Variants in ROBO1 observed in about 807,000 individuals in gnomAD.
ROBO1 encodes roundabout homolog 1.
In ROBO1, 149 loss-of-function variants were observed where a neutral mutation model predicts 195.9. The ratio of observed to expected loss-of-function variants is 0.76; its 90% CI spans 0.67 to 0.87. The LOEUF (loss-of-function observed/expected upper bound fraction) is 0.87. Among genes scored for constraint, ROBO1 ranks in the 40% least tolerant of loss-of-function variants. The pLI is 0.00. For missense variants in ROBO1, 1,933 were observed against 2,068.3 expected, an observed-to-expected ratio of 0.93 and a Z score of 1.27; for synonymous variants, 816 against 733.2, an observed-to-expected ratio of 1.11 and a Z score of -1.82.
At chr3:78,759,223 C>T (rs1448713337) in intron 4 of ROBO1, 1 of 152,584 alleles carries the variant, frequency 6.6e-6, no homozygotes, top group East Asian at 1.9e-4. Flanking sequence ...CTGATGACAA[C>T]ATGATACTAG....
intron 8 of ROBO1, among the ~76,000 whole-genome samples, chr3:78,703,714 A>G (rs1266635899): frequency 6.6e-6 from 1 of 152,040 alleles, no homozygotes; most frequent in Non-Finnish European, 1.5e-5. Flanking sequence ...GTATCCATAC[A>G]TACAAGCAGT....
intron 2 of ROBO1, among the ~76,000 whole-genome samples, chr3:79,139,692 T>C (rs2080483349): frequency 1.3e-5 from 2 of 152,156 alleles, no homozygotes; most frequent in Non-Finnish European, 2.9e-5. Flanking sequence ...GCCTTGAACT[T>C]TATCTGTGAG....
At chr3:79,654,502 G>A (rs765926613) in intron 1 of ROBO1, among the ~76,000 whole-genome samples, 11 of 151,840 alleles carry the variant, frequency 7.2e-5, no homozygotes, top group African/African-American at 1.2e-4. Context: ...AGTTTTGACC[G>A]TAAAACAACC....
chr3:78,927,113 T>C lies in ROBO1; in HGVS notation c.499+11488A>G, dbSNP rs142551370. On this transcript the variant is annotated intron_variant, in intron 4 of 30. Coordinates refer to ENST00000464233, the MANE Select transcript of ROBO1 (RefSeq NM_002941.4). ...ACAGGATATCAGTGAGAGAGTGGGA[T>C]AAGGCCACACATGGTACTAAGCATC... is the stretch of plus-strand genomic sequence containing the variant. 2.6e-5 allele frequency among the ~76,000 whole-genome samples: 4 copies of C among 152,300 alleles called. No homozygotes were observed. The East Asian group carries it at 5.8e-4, about 22-fold the overall frequency.
chr3:79,411,401 G>A (rs2106857660), intron 2 of ROBO1, among the ~76,000 whole-genome samples: 1 of 152,216 alleles, frequency 6.6e-6, no homozygotes, highest in South Asian at 2.1e-4. Context: ...ACAAGTTAGT[G>A]ACTCTAGACA....
At chr3:79,202,794 C>T (rs1409080574) in intron 2 of ROBO1, among the ~76,000 whole-genome samples, 6 of 151,952 alleles carry the variant, frequency 3.9e-5, no homozygotes. Flanking sequence ...TTAAACAAAA[C>T]TTTTTAGTTC....
intron 3 of ROBO1, among the ~76,000 whole-genome samples, chr3:79,001,978 C>T (rs1158421935): frequency 6.6e-6 from 1 of 152,048 alleles, no homozygotes; most frequent in African/African-American, 2.4e-5. Flanking sequence ...TTCATTCAAT[C>T]AACAAACAGT....
At chr3:79,582,455 T>G (rs2107792894) in intron 2 of ROBO1, among the ~76,000 whole-genome samples, 1 of 151,998 alleles carries the variant, frequency 6.6e-6, no homozygotes, top group African/African-American at 2.4e-5. Context: ...TTTTAATAGT[T>G]TTCATTCACA....
At chr3:79,410,750 A>G (rs1251807077) in intron 2 of ROBO1, among the ~76,000 whole-genome samples, 1 of 152,092 alleles carries the variant, frequency 6.6e-6, no homozygotes, top group Non-Finnish European at 1.5e-5. Flanking sequence ...TCCAGTAATA[A>G]TTTGGTACTG....
intron 4 of ROBO1, among the ~76,000 whole-genome samples, chr3:78,763,624 C>T: frequency 6.6e-6 from 1 of 152,146 alleles, no homozygotes; most frequent in Non-Finnish European, 1.5e-5. Context: ...CATTTAATCT[C>T]TTGCCTTTCA....
chr3:78,943,098 C>G, intron 3 of ROBO1, among the ~76,000 whole-genome samples: 1 of 152,008 alleles, frequency 6.6e-6, no homozygotes, highest in East Asian at 1.9e-4. Context: ...CGCCTGTAGT[C>G]CCAGCTACTC....
intron 1 of ROBO1, among the ~76,000 whole-genome samples, chr3:79,624,539 G>T (rs932873544): frequency 6.6e-6 from 1 of 151,802 alleles, no homozygotes; most frequent in African/African-American, 2.4e-5. Flanking sequence ...AAAAAGCAGG[G>T]ATTACAAGCC....
chr3:79,509,478 C>A (rs1940586300), intron 2 of ROBO1, among the ~76,000 whole-genome samples: 1 of 152,120 alleles, frequency 6.6e-6, no homozygotes, highest in Non-Finnish European at 1.5e-5. Flanking sequence ...TTTAAAACTT[C>A]ATCCCCTGCA....
At chr3:79,279,516 GTGGGTAA>G (rs2031341774) in intron 2 of ROBO1, among the ~76,000 whole-genome samples, 1 of 152,118 alleles carries the variant, frequency 6.6e-6, no homozygotes. Flanking sequence ...TGCACTGTTG[GTGGGTAA>G]GTAAACTAAT....
At chr3:79,738,717 A>T (rs955712691) in intron 1 of ROBO1, among the ~76,000 whole-genome samples, 28 of 152,320 alleles carry the variant, frequency 1.8e-4, no homozygotes, top group African/African-American at 6.5e-4. Context: ...ACCAAGTCTT[A>T]TAAGAAAATA....
intron 4 of ROBO1, among the ~76,000 whole-genome samples, chr3:78,915,150 T>C (rs2038480620): frequency 6.6e-6 from 1 of 152,186 alleles, no homozygotes; most frequent in African/African-American, 2.4e-5. Context: ...ATTTAGCCTT[T>C]GTACTCTGGG....
chr3:78,730,688 C>T (rs1374261635), intron 5 of ROBO1, among the ~76,000 whole-genome samples: 1 of 152,094 alleles, frequency 6.6e-6, no homozygotes, highest in Non-Finnish European at 1.5e-5. Flanking sequence ...AGTTGCTTCA[C>T]CCTCCTTTGT....
Position 79,623,533 on chromosome 3 carries a change from G to C in ROBO1, c.-50-33572C>G, listed in dbSNP as rs192053945. Among the ~76,000 whole-genome samples the C allele has an allele frequency of 2.6e-5, 4 of 152,258 alleles. No individual in the cohort carries two copies. In the East Asian group the frequency reaches 7.7e-4, roughly 29 times the overall value. On this transcript the variant is annotated intron_variant, in intron 1 of 30. Coordinates refer to ENST00000464233, the MANE Select transcript of ROBO1 (RefSeq NM_002941.4). ...GATGGAGCTGAAAAACACAGCATGAGAACTTCATGAAGCATACATAAGAAT... is the reference window on the plus strand; with the variant it reads ...GATGGAGCTGAAAAACACAGCATGACAACTTCATGAAGCATACATAAGAAT...
intron 3 of ROBO1, among the ~76,000 whole-genome samples, chr3:79,107,125 T>TCA (rs1392293891): frequency 5.9e-3 from 803 of 136,472 alleles, no homozygotes; most frequent in African/African-American, 9.5e-3. Context: ...TCTCTCTCTC[T>TCA]CTCACACACA....
Sources: gnomAD v4.1 joint callset for allele counts (sites outside exome capture counted in the v4.1 genomes callset) on GRCh38, gnomAD v4.1.1 for gene constraint, MANE v1.5 for transcripts, NCBI Gene and HGNC (gene_info 2026-07-23, HGNC 2026-07-21) for gene names.